The following MAGI1 variants were observed in gnomAD, a reference collection of about 807,000 sequenced individuals.
The protein encoded by MAGI1 is membrane associated guanylate kinase, WW and PDZ domain containing 1, also known as membrane-associated guanylate kinase, WW and PDZ domain-containing protein 1.
Under a neutral mutation model 139.9 loss-of-function variants are expected in MAGI1, and 58 were observed. That is an observed-to-expected ratio of 0.41 (90% CI 0.34 to 0.52). The LOEUF (loss-of-function observed/expected upper bound fraction) is 0.52. Ranked by LOEUF, MAGI1 falls within the 20% of genes least tolerant of loss-of-function variation. The pLI is 0.12. For missense variants in MAGI1, 1,874 were observed against 1,901.6 expected (o/e 0.99, Z 0.27); for synonymous variants, 812 against 737.9 (o/e 1.10, Z -1.63).
At chr3:65,617,361 G>A (rs1055833740) in intron 2 of MAGI1, among the ~76,000 whole-genome samples, 1 of 152,212 alleles carries the variant, frequency 6.6e-6, no homozygotes, top group Non-Finnish European at 1.5e-5. Flanking sequence ...CAGAACTACT[G>A]GATGAGTTGT....
chr3:65,977,985 T>G (rs1389349907), intron 1 of MAGI1, among the ~76,000 whole-genome samples: 1 of 152,202 alleles, frequency 6.6e-6, no homozygotes, highest in Non-Finnish European at 1.5e-5. Context: ...CCCTGACCAG[T>G]GCATCTAACA....
chr3:65,571,295 T>C (rs1003697313), intron 2 of MAGI1, among the ~76,000 whole-genome samples: 1 of 152,186 alleles, frequency 6.6e-6, no homozygotes, highest in Non-Finnish European at 1.5e-5. Flanking sequence ...AATACAAATA[T>C]ATGATACAAA....
intron 1 of MAGI1, among the ~76,000 whole-genome samples, chr3:65,810,646 C>T (rs541582181): frequency 3.9e-5 from 6 of 152,282 alleles, no homozygotes; most frequent in East Asian, 1.9e-4. Context: ...GGGAGTCTAT[C>T]GCCGGGGAAG....
At chr3:65,545,303 AAG>A (rs919308912) in intron 2 of MAGI1, among the ~76,000 whole-genome samples, 7 of 150,856 alleles carry the variant, frequency 4.6e-5, no homozygotes, top group Admixed American at 6.6e-5. Flanking sequence ...GGTTCAGCCA[AAG>A]AGAGAGAGAG....
chr3:65,384,626 C>G (rs1256194110), intron 14 of MAGI1, among the ~76,000 whole-genome samples: 1 of 151,948 alleles, frequency 6.6e-6, no homozygotes, highest in African/African-American at 2.4e-5. Context: ...CCTAGCTATT[C>G]GGGAGCTGAG....
At chr3:65,828,248 G>C (rs191656171) in intron 1 of MAGI1, among the ~76,000 whole-genome samples, 1 of 152,124 alleles carries the variant, frequency 6.6e-6, no homozygotes, top group Admixed American at 6.5e-5. Flanking sequence ...GGCCAGAGGA[G>C]GACCATCAGG....
chr3:65,409,981 T>C (rs968821840), intron 12 of MAGI1, among the ~76,000 whole-genome samples: 1 of 152,200 alleles, frequency 6.6e-6, no homozygotes, highest in African/African-American at 2.4e-5. Flanking sequence ...TATGTCCCAG[T>C]AGAAATAAAT....
intron 1 of MAGI1, among the ~76,000 whole-genome samples, chr3:65,974,087 ATCTT>A (rs966020985): frequency 4.6e-5 from 7 of 152,090 alleles, no homozygotes; most frequent in African/African-American, 1.4e-4. Context: ...GAAAAATAAA[ATCTT>A]TCTTATTTAC....
chr3:65,860,112 T>C (rs2059505212), intron 1 of MAGI1, among the ~76,000 whole-genome samples: 1 of 152,030 alleles, frequency 6.6e-6, no homozygotes, highest in South Asian at 2.1e-4. Flanking sequence ...GTCAGACTGG[T>C]GTCGAACTCC....
rs542711805 is a variant in MAGI1, at chr3:65,449,498, G to A, written c.1043-1441C>T. Among the ~76,000 whole-genome samples the A allele has an allele frequency of 7.9e-5, 12 of 152,270 alleles. No homozygotes were observed. The South Asian group carries it at 8.3e-4, about 11-fold the overall frequency. On this transcript the variant is annotated intron_variant, in intron 6 of 22. Transcript: ENST00000402939. ...TCAAAATGAACACAATCAGGGGCCA[G>A]GCGTGGTGTCTCATGCCTGTAATCC...
At chr3:65,744,900 C>A (rs2035572562) in intron 1 of MAGI1, among the ~76,000 whole-genome samples, 1 of 152,036 alleles carries the variant, frequency 6.6e-6, no homozygotes, top group African/African-American at 2.4e-5. Context: ...TCACTACTAT[C>A]TATCTTTTTC....
intron 1 of MAGI1, among the ~76,000 whole-genome samples, chr3:65,753,983 G>C (rs76014147): frequency 0.015 from 2,273 of 152,250 alleles, 74 homozygotes; most frequent in African/African-American, 0.053. Context: ...TGAACACAGT[G>C]TGTAAAGAAT....
intron 1 of MAGI1, among the ~76,000 whole-genome samples, chr3:65,800,820 T>G (rs1353531283): frequency 6.6e-6 from 1 of 152,236 alleles, no homozygotes; most frequent in Non-Finnish European, 1.5e-5. Context: ...TTTTCTTCCT[T>G]TATCTTAGAG....
In MAGI1 at chr3:65,454,550, AATAAT is replaced by A. The variant is rs1383888795; in HGVS notation, c.960-1215_960-1211del. Among the ~76,000 whole-genome samples the A allele has an allele frequency of 3.6e-3, 536 of 146,966 alleles. 4 individuals carry two copies. Among genetic ancestry groups the A allele is most frequent in the African/African-American group, 0.012 (471 of 39,190 alleles). On this transcript the variant is annotated intron_variant, in intron 5 of 22. Coordinates refer to ENST00000402939, the MANE Select transcript of MAGI1 (RefSeq NM_001033057.2). ...GTATAATAATAATAATAATAATAAT[AATAAT>A]AAAAAAATACTTGTTTTACAAAAAA...
intron 1 of MAGI1, among the ~76,000 whole-genome samples, chr3:65,810,004 A>T (rs1308013587): frequency 2.0e-5 from 3 of 151,858 alleles, no homozygotes; most frequent in African/African-American, 7.3e-5. Flanking sequence ...TCTCTCTCAC[A>T]CACACACACA....
chr3:65,742,855 T>C (rs113027168), intron 1 of MAGI1, among the ~76,000 whole-genome samples: 85 of 152,328 alleles, frequency 5.6e-4, no homozygotes, highest in African/African-American at 1.9e-3. Flanking sequence ...CTTAAGAAGA[T>C]GCTGTTAATT....
chr3:65,435,933 G>C (rs1051129772), intron 10 of MAGI1, among the ~76,000 whole-genome samples: 2 of 152,138 alleles, frequency 1.3e-5, no homozygotes, highest in Non-Finnish European at 2.9e-5. Context: ...TACTGTGAGA[G>C]AGGGGAAGGT....
chr3:65,885,109 C>T (rs985214574), intron 1 of MAGI1, among the ~76,000 whole-genome samples: 6 of 151,954 alleles, frequency 3.9e-5, no homozygotes, highest in Admixed American at 6.6e-5. Flanking sequence ...GATGAAAAAA[C>T]GTTTTCAGGT....
intron 1 of MAGI1, among the ~76,000 whole-genome samples, chr3:65,792,255 AG>A (rs1227095727): frequency 6.6e-6 from 1 of 152,156 alleles, no homozygotes; most frequent in African/African-American, 2.4e-5. Flanking sequence ...ATTTGAGGTC[AG>A]GAGTTCAAAA....
Sources: gnomAD v4.1 joint callset for allele counts (sites outside exome capture counted in the v4.1 genomes callset) on GRCh38, gnomAD v4.1.1 for gene constraint, MANE v1.5 for transcripts, NCBI Gene and HGNC (gene_info 2026-07-23, HGNC 2026-07-21) for gene names.